The following PLPPR1 variants were observed in gnomAD, a reference collection of about 807,000 sequenced individuals.
The protein encoded by PLPPR1 is phospholipid phosphatase-related protein type 1.
A neutral mutation model predicts 33.1 loss-of-function variants in PLPPR1; 10 were observed. The ratio of observed to expected loss-of-function variants is 0.30; its 90% confidence interval spans 0.19 to 0.51. The LOEUF (loss-of-function observed/expected upper bound fraction) is 0.51, where lower values mean the gene tolerates loss of function less well. Among genes scored for constraint, PLPPR1 ranks in the 20% least tolerant of loss-of-function variants. The pLI is 0.97. For missense variants in PLPPR1, 304 were observed against 408.1 expected (o/e 0.74, Z 2.20); for synonymous variants, 151 against 151.0 (o/e 1.00, Z 0.00).
chr9:101,054,698 A>T (rs976162659), intron 1 of PLPPR1, among the ~76,000 whole-genome samples: 1 of 152,204 alleles, frequency 6.6e-6, no homozygotes, highest in Non-Finnish European at 1.5e-5. Context: ...GAAATCCTTG[A>T]CCATCAAATG....
intron 3 of PLPPR1, among the ~76,000 whole-genome samples, chr9:101,281,089 T>C (rs924545363): frequency 3.8e-5 from 5 of 132,030 alleles, no homozygotes; most frequent in African/African-American, 1.5e-4. Context: ...GGATACAAAA[T>C]GAACAAACAA....
intron 1 of PLPPR1, among the ~76,000 whole-genome samples, chr9:101,038,435 C>A (rs142501069): frequency 1.3e-5 from 2 of 151,994 alleles, no homozygotes; most frequent in Non-Finnish European, 2.9e-5. Context: ...AAAAAAATAA[C>A]GAGAGGACTT....
At chr9:101,319,301 CA>C (rs201267048) in intron 7 of PLPPR1, among the ~76,000 whole-genome samples, 5,510 of 152,314 alleles carry the variant, frequency 0.036, 345 homozygotes, top group African/African-American at 0.12. Flanking sequence ...CTCAGCCTCC[CA>C]AGTAGCTGGG....
chr9:101,093,768 C>T (rs964641290), intron 1 of PLPPR1, among the ~76,000 whole-genome samples: 2 of 152,166 alleles, frequency 1.3e-5, no homozygotes, highest in African/African-American at 4.8e-5. Flanking sequence ...TTTATCATCC[C>T]AGAAGTAGTC....
intron 1 of PLPPR1, among the ~76,000 whole-genome samples, chr9:101,109,053 G>T (rs1384638013): frequency 6.6e-6 from 1 of 150,590 alleles, no homozygotes; most frequent in Non-Finnish European, 1.5e-5. Flanking sequence ...CCGCCTTCCG[G>T]ATTGACGCCA....
chr9:101,154,148 CA>C (rs1394862294), intron 1 of PLPPR1, among the ~76,000 whole-genome samples: 1 of 152,144 alleles, frequency 6.6e-6, no homozygotes, highest in African/African-American at 2.4e-5. Flanking sequence ...TGATGTTCAT[CA>C]GGGATATTGG....
At chr9:101,248,528 C>A (rs1264754008) in intron 2 of PLPPR1, among the ~76,000 whole-genome samples, 1 of 151,904 alleles carries the variant, frequency 6.6e-6, no homozygotes, top group African/African-American at 2.4e-5. Flanking sequence ...TTCAAAAGAA[C>A]CAGAAATCAA....
At chr9:101,111,618 TATAA>T (rs1831058599) in intron 1 of PLPPR1, among the ~76,000 whole-genome samples, 1 of 152,254 alleles carries the variant, frequency 6.6e-6, no homozygotes, top group Non-Finnish European at 1.5e-5. Context: ...TCTGGCATTT[TATAA>T]ATAGATTTAT....
intron 2 of PLPPR1, among the ~76,000 whole-genome samples, chr9:101,211,005 G>T (rs1005078046): frequency 6.6e-6 from 1 of 152,120 alleles, no homozygotes; most frequent in Non-Finnish European, 1.5e-5. Context: ...CTGACCTCAC[G>T]ATCCACCTGC....
intron 1 of PLPPR1, among the ~76,000 whole-genome samples, chr9:101,057,422 A>C (rs2118457978): frequency 6.6e-6 from 1 of 152,316 alleles, no homozygotes; most frequent in African/African-American, 2.4e-5. Flanking sequence ...AAAATGAATA[A>C]GCCAGTATCT....
chr9:101,184,528 C>G (rs1334617013), intron 1 of PLPPR1, among the ~76,000 whole-genome samples: 1 of 151,736 alleles, frequency 6.6e-6, no homozygotes, highest in East Asian at 1.9e-4. Context: ...GACAGAGAAA[C>G]AGAACAAATG....
Position 101,043,307 on chromosome 9 carries a change from A to C in PLPPR1, c.-46+14205A>C, listed in dbSNP as rs1830102553. Among the ~76,000 whole-genome samples the C allele has an allele frequency of 4.0e-5, 6 of 151,506 alleles. No individual in the cohort carries two copies. The South Asian group carries it at 1.2e-3, about 31-fold the overall frequency. On this transcript the variant is annotated intron_variant, in intron 1 of 7. Transcript: ENST00000374874. The stretch of plus-strand genomic sequence containing the variant: ...TGTGTGTGTGTATATATGTATGTAT[A>C]TATGTGTATATACACACGTGTATAT...
At chr9:101,152,158 G>A (rs1221507701) in intron 1 of PLPPR1, among the ~76,000 whole-genome samples, 1 of 152,176 alleles carries the variant, frequency 6.6e-6, no homozygotes, top group Non-Finnish European at 1.5e-5. Context: ...GTGATAATGA[G>A]CATTTTTTCA....
chr9:101,209,734 C>T (rs148507709), intron 2 of PLPPR1, among the ~76,000 whole-genome samples: 19 of 152,244 alleles, frequency 1.2e-4, no homozygotes, highest in African/African-American at 4.1e-4. Context: ...CTGACTATTC[C>T]GGGTTTGTTC....
Position 101,324,021 on chromosome 9 carries a change from A to G in PLPPR1, c.946-4A>G. The G allele has an allele frequency of 6.2e-7, 1 of 1,612,340 alleles. No individual in the cohort carries two copies. The highest frequency in any genetic ancestry group is 1.7e-5 in the Admixed American group (1 of 59,986). On this transcript the variant is annotated splice_polypyrimidine_tract_variant and splice_region_variant and intron_variant, in intron 7 of 7. Transcript: ENST00000374874. ...GATTTTATCTGCTTGTGTTTGCTCC[A>G]CAGAATCACTCTGCGTCCATGACCG...
chr9:101,096,843 T>C (rs1222442780), intron 1 of PLPPR1, among the ~76,000 whole-genome samples: 1 of 152,120 alleles, frequency 6.6e-6, no homozygotes, highest in Non-Finnish European at 1.5e-5. Flanking sequence ...CGTGGAAGGA[T>C]TGCTTGAGCC....
At chr9:101,153,291 G>T (rs1339449669) in intron 1 of PLPPR1, among the ~76,000 whole-genome samples, 1 of 152,210 alleles carries the variant, frequency 6.6e-6, no homozygotes, top group Non-Finnish European at 1.5e-5. Flanking sequence ...AGGAGATTTT[G>T]GGTGGAGAGG....
chr9:101,129,962 C>A, intron 1 of PLPPR1, among the ~76,000 whole-genome samples: 1 of 151,960 alleles, frequency 6.6e-6, no homozygotes, highest in East Asian at 1.9e-4. Context: ...ACGTAAAATT[C>A]TAGGAAGTGC....
At chr9:101,178,990 T>A (rs1826059648) in intron 1 of PLPPR1, among the ~76,000 whole-genome samples, 1 of 152,146 alleles carries the variant, frequency 6.6e-6, no homozygotes, top group Admixed American at 6.6e-5. Flanking sequence ...AAACTGAAAG[T>A]TAAGAGTGCC....
Sources: gnomAD v4.1 joint callset for allele counts (sites outside exome capture counted in the v4.1 genomes callset) on GRCh38, gnomAD v4.1.1 for gene constraint, MANE v1.5 for transcripts, NCBI Gene and HGNC (gene_info 2026-07-23, HGNC 2026-07-21) for gene names.